KCNIP4: variants seen among roughly 807,000 people sequenced by gnomAD.
KCNIP4 encodes potassium voltage-gated channel interacting protein 4.
In KCNIP4, 12 loss-of-function variants were observed where a neutral mutation model predicts 34.0. That is an observed-to-expected ratio of 0.35 (90% CI 0.23 to 0.57). The LOEUF (loss-of-function observed/expected upper bound fraction) is 0.57, where lower values mean the gene tolerates loss of function less well. KCNIP4 is among the 20% of genes least tolerant of loss of function. The pLI is 0.83. For missense variants in KCNIP4, 238 were observed against 311.7 expected (o/e 0.76, Z 1.78); for synonymous variants, 124 against 102.2 (o/e 1.21, Z -1.29).
At chr4:21,471,078 C>A (rs1180049117) in intron 1 of KCNIP4, among the ~76,000 whole-genome samples, 1 of 151,914 alleles carries the variant, frequency 6.6e-6, no homozygotes, top group Non-Finnish European at 1.5e-5. Context: ...GTCTAGAAAT[C>A]TCTGTTTTAA....
At chr4:20,858,768 C>T (rs1407120767) in intron 2 of KCNIP4, among the ~76,000 whole-genome samples, 1 of 152,134 alleles carries the variant, frequency 6.6e-6, no homozygotes, top group South Asian at 2.1e-4. Context: ...TTGCTCTAAG[C>T]GTGGTTGTAT....
intron 1 of KCNIP4, among the ~76,000 whole-genome samples, chr4:21,516,755 C>T (rs1734799909): frequency 6.6e-6 from 1 of 151,998 alleles, no homozygotes; most frequent in South Asian, 2.1e-4. Context: ...AAGATTTTAG[C>T]AACACATGAA....
intron 1 of KCNIP4, among the ~76,000 whole-genome samples, chr4:21,476,612 C>T (rs939452770): frequency 3.9e-5 from 6 of 152,104 alleles, no homozygotes; most frequent in African/African-American, 1.4e-4. Context: ...AGCCACCTAG[C>T]CTGTGGTATT....
At chr4:21,763,612 C>T (rs1346878611) in intron 1 of KCNIP4, among the ~76,000 whole-genome samples, 1 of 152,120 alleles carries the variant, frequency 6.6e-6, no homozygotes, top group African/African-American at 2.4e-5. Flanking sequence ...GGTCTGTCCC[C>T]TGAGCTGGTT....
At chr4:20,893,241 T>C (rs897177216) in intron 1 of KCNIP4, among the ~76,000 whole-genome samples, 2 of 152,160 alleles carry the variant, frequency 1.3e-5, no homozygotes, top group African/African-American at 2.4e-5. Context: ...GTTTTAAGAA[T>C]AGCTAAATTA....
chr4:21,554,208 T>C (rs557875196), intron 1 of KCNIP4, among the ~76,000 whole-genome samples: 1 of 152,054 alleles, frequency 6.6e-6, no homozygotes, highest in East Asian at 1.9e-4. Flanking sequence ...GGGGGACATG[T>C]GTTAGAGGCA....
intron 3 of KCNIP4, among the ~76,000 whole-genome samples, chr4:20,760,322 A>G (rs1321552510): frequency 1.3e-5 from 2 of 152,152 alleles, no homozygotes; most frequent in African/African-American, 2.4e-5. Flanking sequence ...GACTTTAGAC[A>G]TGAATATTCT....
At chr4:21,023,727 A>G (rs1374209239) in intron 1 of KCNIP4, among the ~76,000 whole-genome samples, 1 of 152,086 alleles carries the variant, frequency 6.6e-6, no homozygotes, top group Non-Finnish European at 1.5e-5. Flanking sequence ...CAAAAAAATT[A>G]AAAAGTTAAC....
At chr4:21,726,905 G>C (rs182415860) in intron 1 of KCNIP4, among the ~76,000 whole-genome samples, 2 of 152,240 alleles carry the variant, frequency 1.3e-5, no homozygotes, top group East Asian at 3.9e-4. Flanking sequence ...ATTTGGGAAA[G>C]TAGATTCTTC....
At chr4:21,263,356 C>T (rs752639422) in intron 1 of KCNIP4, among the ~76,000 whole-genome samples, 35 of 152,154 alleles carry the variant, frequency 2.3e-4, no homozygotes, top group African/African-American at 7.7e-4. Context: ...TGGTTAGTGG[C>T]GAAGGCTGTA....
intron 3 of KCNIP4, among the ~76,000 whole-genome samples, chr4:20,842,748 A>T (rs1719906768): frequency 6.6e-6 from 1 of 152,116 alleles, no homozygotes; most frequent in Non-Finnish European, 1.5e-5. Flanking sequence ...AGACATGCAG[A>T]TGAGAGGTGA....
At chr4:20,738,132 A>G (rs1295005213) in intron 5 of KCNIP4, among the ~76,000 whole-genome samples, 1 of 151,684 alleles carries the variant, frequency 6.6e-6, no homozygotes, top group East Asian at 1.9e-4. Context: ...TCTGTCTCAA[A>G]AAAAAAAAAA....
rs1383619146 is a variant in KCNIP4 at position 21,493,918 on chromosome 4, C to G, written c.61+454653G>C. The stretch of plus-strand genomic sequence containing the variant: ...AGCACTATTATCTGGGGCTAGAGCC[C>G]AAATATAAAGATAATAGAGAAGGTT... On this transcript the variant is annotated intron_variant, in intron 1 of 8. Coordinates refer to ENST00000382152, the MANE Select transcript of KCNIP4 (RefSeq NM_025221.6). 3.3e-5 allele frequency among the ~76,000 whole-genome samples: 5 copies of G among 152,092 alleles called. No individual in the cohort carries two copies. In the South Asian group the frequency reaches 1.0e-3, roughly 32 times the overall value.
chr4:21,227,448 C>T (rs561575870), intron 1 of KCNIP4, among the ~76,000 whole-genome samples: 1 of 152,146 alleles, frequency 6.6e-6, no homozygotes, highest in African/African-American at 2.4e-5. Flanking sequence ...TTTAACTTCC[C>T]CCTGTCTGTA....
intron 1 of KCNIP4, among the ~76,000 whole-genome samples, chr4:21,798,507 C>A (rs1349286771): frequency 1.4e-5 from 1 of 73,960 alleles, no homozygotes; most frequent in African/African-American, 6.7e-5. Flanking sequence ...AAAGCAAGAC[C>A]CTGGGAAAAA....
intron 1 of KCNIP4, among the ~76,000 whole-genome samples, chr4:21,871,250 C>G (rs1335695211): frequency 1.7e-5 from 2 of 119,072 alleles, no homozygotes; most frequent in Non-Finnish European, 3.5e-5. Context: ...CCCCCTCCCC[C>G]CTCCCCGCTC....
intron 1 of KCNIP4, among the ~76,000 whole-genome samples, chr4:21,602,803 C>T (rs903972909): frequency 8.6e-5 from 13 of 151,994 alleles, no homozygotes; most frequent in Admixed American, 1.3e-4. Flanking sequence ...TGAAGCAATT[C>T]AAATATAATG....
At chr4:21,174,913 A>G (rs2109306287) in intron 1 of KCNIP4, among the ~76,000 whole-genome samples, 1 of 152,092 alleles carries the variant, frequency 6.6e-6, no homozygotes, top group East Asian at 1.9e-4. Context: ...AAAAAAAAAA[A>G]AAGAAAAAAA....
At chr4:21,547,263 T>G (rs1432664707) in intron 1 of KCNIP4, among the ~76,000 whole-genome samples, 2 of 152,076 alleles carry the variant, frequency 1.3e-5, no homozygotes, top group African/African-American at 2.4e-5. Flanking sequence ...TTGGGACAGT[T>G]TGTTACACAG....
Sources: gnomAD v4.1 joint callset for allele counts (sites outside exome capture counted in the v4.1 genomes callset) on GRCh38, gnomAD v4.1.1 for gene constraint, MANE v1.5 for transcripts, NCBI Gene and HGNC (gene_info 2026-07-23, HGNC 2026-07-21) for gene names.